Variants in PTPRN2 observed in about 807,000 individuals in gnomAD.
PTPRN2 encodes the protein protein tyrosine phosphatase receptor type N2.
PTPRN2 carries 74 observed loss-of-function variants against 118.8 expected under a neutral mutation model. The observed-to-expected ratio is 0.62, with a 90% confidence interval of 0.52 to 0.76. The LOEUF (loss-of-function observed/expected upper bound fraction) is 0.76, where lower values mean the gene tolerates loss of function less well. PTPRN2 is among the 30% of genes least tolerant of loss of function. The pLI is 0.00. For synonymous variants in PTPRN2, 641 were observed against 608.0 expected (o/e 1.05, Z -0.80); for missense variants, 1,481 against 1,394.4 (o/e 1.06, Z -0.99).
At chr7:158,552,176 C>T (rs1424598717) in intron 1 of PTPRN2, among the ~76,000 whole-genome samples, 1 of 149,046 alleles carries the variant, frequency 6.7e-6, no homozygotes, top group Non-Finnish European at 1.5e-5. Flanking sequence ...ATTTGGGGGG[C>T]CCCAGCTCCT....
intron 12 of PTPRN2, among the ~76,000 whole-genome samples, chr7:157,802,029 G>C (rs73746624): frequency 6.6e-6 from 1 of 152,124 alleles, no homozygotes; most frequent in South Asian, 2.1e-4. Flanking sequence ...TTCGTCCACC[G>C]TGAAACCCGC....
intron 3 of PTPRN2, among the ~76,000 whole-genome samples, chr7:158,271,914 T>C (rs1798538465): frequency 7.2e-6 from 1 of 138,198 alleles, no homozygotes; most frequent in African/African-American, 2.9e-5. Flanking sequence ...ATGTAGGAAC[T>C]GGAGGCGTGG....
At chr7:157,743,603 T>A (rs545891890) in intron 12 of PTPRN2, among the ~76,000 whole-genome samples, 1 of 152,256 alleles carries the variant, frequency 6.6e-6, no homozygotes, top group South Asian at 2.1e-4. Flanking sequence ...TTGGCTGAGT[T>A]GGGCTCCTGG....
At chr7:157,642,785 T>C (rs1239060768) in intron 14 of PTPRN2, among the ~76,000 whole-genome samples, 3 of 108,732 alleles carry the variant, frequency 2.8e-5, no homozygotes, top group Non-Finnish European at 5.1e-5. Context: ...TCACACACTA[T>C]AAGAAGGGTC....
intron 12 of PTPRN2, among the ~76,000 whole-genome samples, chr7:157,692,070 TCA>T (rs1797529037): frequency 6.6e-6 from 1 of 152,214 alleles, no homozygotes; most frequent in East Asian, 1.9e-4. Context: ...GCAGATCTTG[TCA>T]CACGCAGATG....
At position 158,390,016 on chromosome 7, in the gene PTPRN2, G is replaced by T. The variant is rs571905810; in HGVS notation, c.164-73084C>A. 1.4e-3 allele frequency among the ~76,000 whole-genome samples: 216 copies of T among 152,360 alleles called. 1 individual carries two copies. Among genetic ancestry groups the T allele is most frequent in the Non-Finnish European group, 2.3e-3 (158 of 68,040 alleles). ...AATGACGCTGTTCACATCCACAGAA[G>T]ACAGGAGGATCCTACGGAGGGATGA... On this transcript the variant is annotated intron_variant, in intron 2 of 22. Coordinates refer to ENST00000389418, the MANE Select transcript of PTPRN2 (RefSeq NM_002847.5).
At chr7:158,542,103 T>C (rs977896403) in intron 1 of PTPRN2, among the ~76,000 whole-genome samples, 3 of 152,278 alleles carry the variant, frequency 2.0e-5, no homozygotes, top group Admixed American at 6.5e-5. Context: ...ATGAGTTTTC[T>C]AGATTTTTCA....
At chr7:158,143,337 G>C (rs1002602236) in intron 6 of PTPRN2, among the ~76,000 whole-genome samples, 35 of 152,170 alleles carry the variant, frequency 2.3e-4, no homozygotes, top group African/African-American at 7.2e-4. Context: ...GGAGGCACCG[G>C]AGCCTGCGGC....
intron 11 of PTPRN2, among the ~76,000 whole-genome samples, chr7:157,943,586 T>A (rs181623680): frequency 1.4e-4 from 21 of 151,408 alleles, no homozygotes; most frequent in Non-Finnish European, 3.1e-4. Context: ...TCCCTCAACA[T>A]GGAGGATCCC....
chr7:157,700,134 C>T (rs71538045), intron 12 of PTPRN2, among the ~76,000 whole-genome samples: 8,058 of 152,264 alleles, frequency 0.053, 301 homozygotes, highest in Middle Eastern at 0.082. Context: ...TCTAGTCTTA[C>T]GTTTTCTAAG....
intron 1 of PTPRN2, among the ~76,000 whole-genome samples, chr7:158,580,787 A>G (rs1269467588): frequency 1.3e-5 from 2 of 152,236 alleles, no homozygotes; most frequent in Admixed American, 6.5e-5. Context: ...AAGCCCAGAA[A>G]GCATTCGGAA....
At chr7:158,535,448 C>T (rs190565755) in intron 1 of PTPRN2, among the ~76,000 whole-genome samples, 1 of 152,288 alleles carries the variant, frequency 6.6e-6, no homozygotes, top group Admixed American at 6.5e-5. Flanking sequence ...AGGGTACCTG[C>T]ATTTAATCTG....
chr7:157,689,578 A>G (rs1797369588), intron 12 of PTPRN2, among the ~76,000 whole-genome samples: 1 of 152,226 alleles, frequency 6.6e-6, no homozygotes, highest in Non-Finnish European at 1.5e-5. Flanking sequence ...GGTTCGCCCG[A>G]TTCCCTGGAG....
At chr7:158,176,963 G>A (rs1334089199) in intron 5 of PTPRN2, among the ~76,000 whole-genome samples, 1 of 152,180 alleles carries the variant, frequency 6.6e-6, no homozygotes, top group Non-Finnish European at 1.5e-5. Flanking sequence ...AATCTCTCTA[G>A]GTGGCCCTCC....
chr7:158,389,978 C>G (rs936015511), intron 2 of PTPRN2, among the ~76,000 whole-genome samples: 14 of 152,226 alleles, frequency 9.2e-5, no homozygotes, highest in Non-Finnish European at 1.8e-4. Context: ...GCATCCACCT[C>G]GGATGACTCT....
chr7:157,679,880 C>A (rs183103884), intron 13 of PTPRN2, among the ~76,000 whole-genome samples: 192 of 152,074 alleles, frequency 1.3e-3, no homozygotes, highest in African/African-American at 4.5e-3. Context: ...TGAGGATTCA[C>A]CTTTTGGAAC....
At chr7:157,978,897 C>T (rs1483466533) in intron 11 of PTPRN2, among the ~76,000 whole-genome samples, 2 of 152,058 alleles carry the variant, frequency 1.3e-5, no homozygotes, top group Non-Finnish European at 2.9e-5. Flanking sequence ...GAAAGACATC[C>T]CCTGGGCCTT....
chr7:158,244,614 T>C (rs1796082888), intron 3 of PTPRN2, among the ~76,000 whole-genome samples: 1 of 151,916 alleles, frequency 6.6e-6, no homozygotes, highest in Non-Finnish European at 1.5e-5. Flanking sequence ...GTGTACAAGC[T>C]ATGTATGTGT....
At chr7:157,554,928 A>G (rs948667263) in intron 21 of PTPRN2, among the ~76,000 whole-genome samples, 1 of 152,226 alleles carries the variant, frequency 6.6e-6, no homozygotes, top group Admixed American at 6.5e-5. Context: ...ATCTACAGGG[A>G]AGTGACGCAG....
Sources: gnomAD v4.1 joint callset for allele counts (sites outside exome capture counted in the v4.1 genomes callset) on GRCh38, gnomAD v4.1.1 for gene constraint, MANE v1.5 for transcripts, NCBI Gene and HGNC (gene_info 2026-07-23, HGNC 2026-07-21) for gene names.